The following SIM1 variants were observed in gnomAD, a reference collection of about 807,000 sequenced individuals.
SIM1 encodes single-minded homolog 1.
A neutral mutation model predicts 78.2 loss-of-function variants in SIM1; 18 were observed. The observed-to-expected ratio is 0.23, with a 90% CI of 0.16 to 0.34. The LOEUF is 0.34. SIM1 is among the 10% of genes least tolerant of loss of function. SIM1 has a pLI of 1.00. For synonymous variants in SIM1, 417 were observed against 385.2 expected (o/e 1.08, Z -0.97); for missense variants, 939 against 975.1 (o/e 0.96, Z 0.49).
chr6:100,447,058 C>G (rs1259411824), intron 9 of SIM1, among the ~76,000 whole-genome samples: 1 of 152,210 alleles, frequency 6.6e-6, no homozygotes, highest in East Asian at 1.9e-4. Flanking sequence ...GGAAAAACTC[C>G]TAAATCTTTC....
Position 100,391,027 on chromosome 6 carries a change from T to C in SIM1, c.1635A>G (p.Ser545=). The change falls in exon 12 of 12, where the codon TCA becomes TCG. Residue 545 remains serine, a synonymous_variant. Transcript: ENST00000369208. ...SSPDPGSASE[S]GDRYRTEQYQ... is the part of the protein sequence containing the mutation. Reference sequence around the variant, plus strand: ...ACTGCTCAGTACGATATCGGTCACCTGATTCACTGGCCGACCCAGGGTCTG... The same window carrying C: ...ACTGCTCAGTACGATATCGGTCACCCGATTCACTGGCCGACCCAGGGTCTG... 6.2e-7 allele frequency: 1 copy of C among 1,614,140 alleles called. No individual in the cohort carries two copies. Among genetic ancestry groups the C allele is most frequent in the South Asian group, 1.1e-5 (1 of 91,074 alleles).
intron 3 of SIM1, 50 bp from the exon 4 acceptor site, chr6:100,450,406 G>T: frequency 6.6e-7 from 1 of 1,519,432 alleles, no homozygotes. Context: ...GCCATCTGGA[G>T]AAATGGGAGC....
At chr6:100,454,138 C>A in intron 2 of SIM1, among the ~76,000 whole-genome samples, 1 of 152,230 alleles carries the variant, frequency 6.6e-6, no homozygotes, top group Non-Finnish European at 1.5e-5. Flanking sequence ...ACATTGCACC[C>A]CACCGATAAC....
At chr6:100,411,914 G>T (rs778487480) in intron 10 of SIM1, among the ~76,000 whole-genome samples, 4 of 152,174 alleles carry the variant, frequency 2.6e-5, no homozygotes, top group Non-Finnish European at 5.9e-5. Flanking sequence ...CGTGGGGGCA[G>T]AAAAAGACAA....
intron 10 of SIM1, among the ~76,000 whole-genome samples, chr6:100,405,868 G>A: frequency 6.6e-6 from 1 of 152,128 alleles, no homozygotes; most frequent in Non-Finnish European, 1.5e-5. Context: ...GCAGGACCCA[G>A]GGCTGGGTTT....
Position 100,393,841 on chromosome 6 carries a change from A to G in SIM1, c.1216T>C (p.Trp406Arg). 6.2e-7 allele frequency: 1 copy of G among 1,603,708 alleles called. No homozygotes were observed. Among genetic ancestry groups the G allele is most frequent in the Non-Finnish European group, 8.5e-7 (1 of 1,173,422 alleles). The change falls in exon 11 of 12, where the codon TGG becomes CGG. Residue 406 changes from tryptophan to arginine, a missense_variant. Trp to Arg is a moderately radical substitution (Grantham distance 101). Around this residue, in one of 5 missense-constraint regions of SIM1, gnomAD observed 556 missense variants for 521.9 expected, o/e 1.07. Transcript: ENST00000369208. ...GTGTCGGTCAAGGGACTTCCGCCCC[A>G]CTGGCTGTCATGATCAGATTCCGAT... ...ERSESDHDSQ[W>R]GGSPLTDTAS...
chr6:100,454,628 T>C (rs1159051935), intron 2 of SIM1, among the ~76,000 whole-genome samples: 1 of 152,172 alleles, frequency 6.6e-6, no homozygotes, highest in African/African-American at 2.4e-5. Flanking sequence ...ATTCAACTTT[T>C]CTACTTTCCA....
chr6:100,419,239 C>T (rs1415695184), intron 10 of SIM1, among the ~76,000 whole-genome samples: 1 of 152,190 alleles, frequency 6.6e-6, no homozygotes, highest in Non-Finnish European at 1.5e-5. Flanking sequence ...AAGTTAAGTG[C>T]TCAGTACTTA....
chr6:100,405,633 A>G (rs1230679120), intron 10 of SIM1, among the ~76,000 whole-genome samples: 1 of 152,120 alleles, frequency 6.6e-6, no homozygotes. Context: ...TATACATGTA[A>G]ATTCTCTGAT....
At chr6:100,405,911 A>G (rs1054554471) in intron 10 of SIM1, among the ~76,000 whole-genome samples, 1 of 152,182 alleles carries the variant, frequency 6.6e-6, no homozygotes, top group Non-Finnish European at 1.5e-5. Flanking sequence ...AATCTCCTAT[A>G]GGATTCCATA....
Position 100,388,486 on chromosome 6 carries a change from A to G in SIM1, c.*1875T>C, listed in dbSNP as rs1252920519. On this transcript the variant is annotated 3_prime_UTR_variant, in exon 12 of 12. Coordinates refer to ENST00000369208, the MANE Select transcript of SIM1 (RefSeq NM_005068.3). ...CACTTACTTGCACTTTTTTGCATTT[A>G]CAGCACAAATGTTAACATTATTTAA... 1 of 152,188 alleles carries G rather than the reference A, an allele frequency of 6.6e-6. No homozygotes were observed. The highest frequency in any genetic ancestry group is 1.5e-5 in the Non-Finnish European group (1 of 68,024). 9.4% of individuals were successfully genotyped at this position (152,188 alleles called of 1,614,324 possible).
intron 10 of SIM1, among the ~76,000 whole-genome samples, chr6:100,406,217 G>T (rs1054730161): frequency 2.6e-5 from 4 of 152,154 alleles, no homozygotes; most frequent in African/African-American, 9.7e-5. Context: ...CATCTTCCAT[G>T]ATGGGCTTCA....
intron 9 of SIM1, among the ~76,000 whole-genome samples, chr6:100,425,517 G>T (rs919737058): frequency 6.6e-6 from 1 of 152,164 alleles, no homozygotes; most frequent in Admixed American, 6.6e-5. Flanking sequence ...AGGATGGAAA[G>T]CACAATAAAA....
intron 9 of SIM1, among the ~76,000 whole-genome samples, chr6:100,441,828 A>T (rs1772225385): frequency 1.3e-5 from 2 of 152,214 alleles, no homozygotes; most frequent in Admixed American, 1.3e-4. Flanking sequence ...CAGCTTCTTA[A>T]TCTTCCATCA....
intron 10 of SIM1, among the ~76,000 whole-genome samples, chr6:100,412,548 A>T (rs1183707511): frequency 2.6e-5 from 2 of 76,686 alleles, no homozygotes; most frequent in African/African-American, 9.7e-5. Context: ...GAAAGAAAGA[A>T]AGAAAGAAAA....
In SIM1 at chr6:100,390,823, TG is replaced by T. The variant is rs1470758263; in HGVS notation, c.1838del (p.Pro613HisfsTer29). The T allele has an allele frequency of 6.2e-7, 1 of 1,614,096 alleles. No homozygotes were observed. The highest frequency in any genetic ancestry group is 8.5e-7 in the Non-Finnish European group (1 of 1,180,038). The stretch of plus-strand genomic sequence containing the variant: ...AGCCATGGCAGACTTCACCTGTTGG[TG>T]GGGGCTGTTGGTAGTTTGCAAAACA... Reference protein sequence around the residue: ...SLCFANYQQPPPTGEVCHGSA... With the variant: ...SLCFANYQQPXPTGEVCHGSA... On this transcript the variant is annotated frameshift_variant, in exon 12 of 12. Transcript: ENST00000369208. LOFTEE classifies it high-confidence loss of function.
chr6:100,416,372 A>C (rs1049069837), intron 10 of SIM1, among the ~76,000 whole-genome samples: 2 of 152,160 alleles, frequency 1.3e-5, no homozygotes, highest in African/African-American at 4.8e-5. Context: ...TTAGAAATCT[A>C]GATATGCCTA....
chr6:100,436,978 C>T (rs1311808448), intron 9 of SIM1, among the ~76,000 whole-genome samples: 2 of 152,028 alleles, frequency 1.3e-5, no homozygotes, highest in Non-Finnish European at 2.9e-5. Context: ...CTTCGTGATC[C>T]ACCTACCTCA....
chr6:100,442,514 G>A (rs552685360), intron 9 of SIM1, among the ~76,000 whole-genome samples: 5 of 152,098 alleles, frequency 3.3e-5, no homozygotes, highest in South Asian at 2.1e-4. Context: ...TCTAATTTAC[G>A]GGTATACATT....
Sources: allele counts gnomAD v4.1 joint callset (sites outside exome capture counted in the v4.1 genomes callset), GRCh38; gene constraint gnomAD v4.1.1; regional missense constraint gnomAD v4.1.1; transcripts MANE v1.5; gene names NCBI Gene and HGNC (gene_info 2026-07-23, HGNC 2026-07-21).